The following CLK4 variants were observed in gnomAD, a reference collection of about 807,000 sequenced individuals.
CLK4 encodes dual specificity protein kinase CLK4.
A neutral mutation model predicts 64.4 loss-of-function variants in CLK4; 37 were observed. The ratio of observed to expected loss-of-function variants is 0.57; its 90% CI spans 0.44 to 0.76. CLK4 has a LOEUF of 0.76. CLK4 is among the 30% of genes least tolerant of loss of function. The probability of loss-of-function intolerance (pLI) is 0.00; values close to 1 mark genes in which losing one functional copy is unlikely to be tolerated. For synonymous variants in CLK4, 175 were observed against 191.6 expected (o/e 0.91, Z 0.72); for missense variants, 457 against 605.1 (o/e 0.76, Z 2.57).
chr5:178,610,833 A>G (rs2113804211), intron 9 of CLK4, among the ~76,000 whole-genome samples: 1 of 152,156 alleles, frequency 6.6e-6, no homozygotes, highest in African/African-American at 2.4e-5. Flanking sequence ...GCACTTTGGG[A>G]GGCCGAGGCA....
chr5:178,617,027 T>C lies in CLK4; in HGVS notation c.476-79A>G. On this transcript the variant is annotated intron_variant, in intron 4 of 12. Transcript: ENST00000316308. This position sits in a 1 kb window ranked among gnomAD's most constrained non-coding sequence, Gnocchi z 5.2. ...TCTTCAAACAATGAATGCTTAAGTG[T>C]GGAATATTTTCAAATGATCTCTAAC... 2.1e-6 allele frequency: 2 copies of C among 955,122 alleles called. No homozygotes were observed. Among genetic ancestry groups the C allele is most frequent in the Non-Finnish European group, 3.3e-6 (2 of 599,082 alleles). 59.2% of individuals were successfully genotyped at this position (955,122 alleles called of 1,614,324 possible).
At chr5:178,614,619 T>C (rs971020682) in intron 5 of CLK4, among the ~76,000 whole-genome samples, 3 of 152,200 alleles carry the variant, frequency 2.0e-5, no homozygotes, top group Non-Finnish European at 4.4e-5. Flanking sequence ...CTATGACCCT[T>C]CCACTTTACA....
chr5:178,605,461 G>A, intron 10 of CLK4, 79 bp from the exon 11 acceptor site: 1 of 856,256 alleles, frequency 1.2e-6, no homozygotes, highest in Non-Finnish European at 1.7e-6. Context: ...TAAAATTTTA[G>A]TTTCCTTCTT....
chr5:178,605,851 G>C (rs1417184587), intron 10 of CLK4: 1 of 152,348 alleles, frequency 6.6e-6, no homozygotes, highest in Non-Finnish European at 1.5e-5. Context: ...TTCTAGAGCA[G>C]AGGTTGGCAA....
intron 5 of CLK4, among the ~76,000 whole-genome samples, chr5:178,616,060 C>T (rs1764622648): frequency 6.6e-6 from 1 of 152,062 alleles, no homozygotes; most frequent in African/African-American, 2.4e-5. Flanking sequence ...CAATGATTTC[C>T]CCCTGTTGAA....
At chr5:178,609,334 A>G (rs1019534244) in intron 9 of CLK4, among the ~76,000 whole-genome samples, 2 of 152,274 alleles carry the variant, frequency 1.3e-5, no homozygotes, top group African/African-American at 4.8e-5. Context: ...ATAATGACTT[A>G]AGTCATTTTT....
intron 7 of CLK4, among the ~76,000 whole-genome samples, chr5:178,613,196 G>A (rs1156708317): frequency 6.6e-6 from 1 of 152,156 alleles, no homozygotes; most frequent in African/African-American, 2.4e-5. Flanking sequence ...GCCGAGGGGG[G>A]CAATCACAAG....
Position 178,602,665 on chromosome 5 carries a change from G to A in CLK4, c.*952C>T, listed in dbSNP as rs1214203633. 2 of 152,202 alleles carry A rather than the reference G, an allele frequency of 1.3e-5. No individual in the cohort carries two copies. The highest frequency in any genetic ancestry group is 2.9e-5 in the Non-Finnish European group (2 of 68,044). The allele number at this position is 152,202 out of a possible 1,614,324, so 9.4% of individuals were successfully genotyped here. ...TAAAAGAACAACAACAACAAACGCTGAAGTCAAAAAGTTTATGTAACCAAT... is the reference window on the plus strand; with the variant it reads ...TAAAAGAACAACAACAACAAACGCTAAAGTCAAAAAGTTTATGTAACCAAT... On this transcript the variant is annotated 3_prime_UTR_variant, in exon 13 of 13. Coordinates refer to ENST00000316308, the MANE Select transcript of CLK4 (RefSeq NM_020666.3).
At chr5:178,613,438 A>T (rs766059547) in intron 7 of CLK4, 35 bp downstream of exon 7, 21 of 1,291,918 alleles carry the variant, frequency 1.6e-5, no homozygotes, top group Non-Finnish European at 2.1e-5. Context: ...AAATAAATAA[A>T]TAAATAAAAA....
chr5:178,618,578 C>T lies in CLK4; in HGVS notation c.362G>A (p.Cys121Tyr), dbSNP rs1187786299. The part of the protein sequence containing the change: ...SSPKRKRNRH[C>Y]SSHQSRSKSH... ...TACCGAACGTGACTGATGACTTGAA[C>T]AGTGTCTATTGCGCTTCCTTTTAGG... The change falls in exon 3 of 13, where the codon TGT becomes TAT. Residue 121 changes from cysteine to tyrosine, a missense_variant. Transcript: ENST00000316308. 1.2e-6 allele frequency: 2 copies of T among 1,613,628 alleles called. No homozygotes were observed. The highest frequency in any genetic ancestry group is 4.5e-5 in the East Asian group (2 of 44,870).
intron 2 of CLK4, among the ~76,000 whole-genome samples, chr5:178,619,051 C>T (rs1764668700): frequency 6.6e-6 from 1 of 152,206 alleles, no homozygotes; most frequent in Non-Finnish European, 1.5e-5. Context: ...CTAGTGTTTA[C>T]TTGATTAAGT....
In CLK4 at chr5:178,617,552, C is replaced by T; in HGVS notation, c.385-118G>A. On this transcript the variant is annotated intron_variant, in intron 3 of 12. Coordinates refer to ENST00000316308, the MANE Select transcript of CLK4 (RefSeq NM_020666.3). This position sits in a 1 kb window ranked among gnomAD's most constrained non-coding sequence, Gnocchi z 5.2. ...GATATTCAGGCATTCAGATAAGCAC[C>T]AGGCCACGAACAGTTGGCAGGAGCA... The T allele has an allele frequency of 9.2e-7, 1 of 1,087,582 alleles. No individual in the cohort carries two copies. The highest frequency in any genetic ancestry group is 1.3e-6 in the Non-Finnish European group (1 of 775,898). The allele number at this position is 1,087,582 out of a possible 1,614,324, so 67.4% of individuals were successfully genotyped here.
intron 1 of CLK4, among the ~76,000 whole-genome samples, chr5:178,623,734 T>TA (rs1273888977): frequency 2.0e-5 from 3 of 151,220 alleles, no homozygotes; most frequent in South Asian, 2.1e-4. Context: ...TTTTAAAAAT[T>TA]AAAAAAAAGC....
In CLK4 at chr5:178,605,129, C is replaced by CAAAA. The variant is rs10644053; in HGVS notation, c.1214+170_1214+173dup. 1.7e-4 allele frequency: 35 copies of CAAAA among 200,686 alleles called. 1 individual carries two copies. In the South Asian group the frequency reaches 2.0e-3, roughly 11 times the overall value. The allele number at this position is 200,686 out of a possible 1,614,324, so 12.4% of individuals were successfully genotyped here. A position where few individuals can be genotyped will look rare whatever the true frequency, so the allele number is the denominator to read the frequency against. ...TGGGTGACAGAGTGAGACTCCATCT[C>CAAAA]AAAAAAAAAAAAAGGAGTAAGATGA... On this transcript the variant is annotated intron_variant, in intron 11 of 12. Transcript: ENST00000316308.
chr5:178,619,163 C>T (rs1445854997), intron 2 of CLK4, among the ~76,000 whole-genome samples: 1 of 152,164 alleles, frequency 6.6e-6, no homozygotes, highest in Non-Finnish European at 1.5e-5. Context: ...AATGTAAGAG[C>T]ATTTTAGATA....
At chr5:178,620,257 C>A in intron 2 of CLK4, 1 of 241,498 alleles carries the variant, frequency 4.1e-6, no homozygotes, top group Non-Finnish European at 8.5e-6. Flanking sequence ...AGGGAGAGAT[C>A]ACCAATACAA....
chr5:178,605,178 G>GA (rs371658302), intron 11 of CLK4, 125 bp downstream of exon 11: 49,530 of 343,130 alleles, frequency 0.14, 1 homozygote, highest in Middle Eastern at 0.19. Context: ...CTCCAGTACA[G>GA]AAAAAAAAAA....
intron 2 of CLK4, chr5:178,622,505 G>A (rs888406975): frequency 9.9e-5 from 82 of 825,478 alleles, no homozygotes; most frequent in Non-Finnish European, 1.2e-4. Context: ...ACGAAAAAGG[G>A]AAATTAATGA....
At chr5:178,618,860 C>G in intron 2 of CLK4, 82 bp from the exon 3 acceptor site, 1 of 1,074,852 alleles carries the variant, frequency 9.3e-7, no homozygotes, top group East Asian at 2.4e-5. Context: ...CTCAGAAATT[C>G]TTAAACAGCT....
Sources: gnomAD v4.1 joint callset for allele counts (sites outside exome capture counted in the v4.1 genomes callset) on GRCh38, gnomAD v4.1.1 for gene constraint, Gnocchi (gnomAD v3.1) non-coding constraint, MANE v1.5 for transcripts, NCBI Gene and HGNC (gene_info 2026-07-23, HGNC 2026-07-21) for gene names.